Variants in ARHGAP15 observed in about 807,000 individuals in gnomAD.
ARHGAP15 encodes Rho GTPase activating protein 15, also known as rho GTPase-activating protein 15.
Under a neutral mutation model 63.7 loss-of-function variants are expected in ARHGAP15, and 51 were observed. The ratio of observed to expected loss-of-function variants is 0.80; its 90% confidence interval spans 0.64 to 1.01. The LOEUF (loss-of-function observed/expected upper bound fraction) is 1.01. Ranked by LOEUF, ARHGAP15 falls within the 50% of genes least tolerant of loss-of-function variation. The pLI is 0.00. For synonymous variants in ARHGAP15, 191 were observed against 193.8 expected, an observed-to-expected ratio of 0.99 and a Z score of 0.12; for missense variants, 560 against 564.6, an observed-to-expected ratio of 0.99 and a Z score of 0.08.
intron 6 of ARHGAP15, among the ~76,000 whole-genome samples, chr2:143,330,628 T>C (rs909544691): frequency 6.6e-6 from 1 of 152,196 alleles, no homozygotes; most frequent in Non-Finnish European, 1.5e-5. Context: ...TGCTACATGG[T>C]TTATGCAATT....
intron 6 of ARHGAP15, among the ~76,000 whole-genome samples, chr2:143,340,473 T>C (rs1014432205): frequency 6.6e-6 from 1 of 152,142 alleles, no homozygotes; most frequent in Non-Finnish European, 1.5e-5. Flanking sequence ...TAATTTTCAT[T>C]TGCTGTCTAT....
chr2:143,592,750 G>A (rs1218258381), intron 11 of ARHGAP15, among the ~76,000 whole-genome samples: 1 of 152,160 alleles, frequency 6.6e-6, no homozygotes, highest in African/African-American at 2.4e-5. Context: ...CCTGTGAAAT[G>A]GTTAATATAG....
At chr2:143,471,037 G>GCA (rs549997644) in intron 8 of ARHGAP15, among the ~76,000 whole-genome samples, 3 of 147,718 alleles carry the variant, frequency 2.0e-5, no homozygotes, top group Non-Finnish European at 4.5e-5. Flanking sequence ...GTGTATATAT[G>GCA]CACACACACA....
intron 11 of ARHGAP15, among the ~76,000 whole-genome samples, chr2:143,600,655 GA>G (rs1697733132): frequency 6.6e-6 from 1 of 152,050 alleles, no homozygotes; most frequent in Non-Finnish European, 1.5e-5. Context: ...TTACTACAGT[GA>G]AATTACCTAC....
intron 12 of ARHGAP15, among the ~76,000 whole-genome samples, chr2:143,672,892 T>G (rs1682598481): frequency 6.6e-6 from 1 of 152,196 alleles, no homozygotes; most frequent in African/African-American, 2.4e-5. Context: ...TACTGAAAAG[T>G]TGAGTTAAAA....
At chr2:143,151,886 C>T (rs1330661040) in intron 1 of ARHGAP15, among the ~76,000 whole-genome samples, 2 of 151,904 alleles carry the variant, frequency 1.3e-5, no homozygotes, top group Non-Finnish European at 2.9e-5. Flanking sequence ...TCTGAACCCA[C>T]AGGTACAGCA....
intron 13 of ARHGAP15, among the ~76,000 whole-genome samples, chr2:143,708,302 G>A (rs1010829423): frequency 1.3e-5 from 2 of 152,044 alleles, no homozygotes; most frequent in African/African-American, 4.8e-5. Context: ...TATATTACAT[G>A]TATTATTATT....
chr2:143,329,324 TA>T (rs1393762804), intron 6 of ARHGAP15, among the ~76,000 whole-genome samples: 1 of 152,236 alleles, frequency 6.6e-6, no homozygotes. Context: ...TTTCATCATG[TA>T]AGTTCTTTGA....
chr2:143,265,487 T>G (rs1352476158), intron 6 of ARHGAP15, among the ~76,000 whole-genome samples: 1 of 152,204 alleles, frequency 6.6e-6, no homozygotes, highest in Non-Finnish European at 1.5e-5. Flanking sequence ...ATATTTTTAT[T>G]GCAAATGGTA....
chr2:143,519,101 A>T, intron 9 of ARHGAP15, 165 bp from the exon 10 acceptor site: 3 of 494,504 alleles, frequency 6.1e-6, no homozygotes, highest in Non-Finnish European at 1.1e-5. Context: ...TCAAGGAGGG[A>T]GTTGTGGTCT....
At chr2:143,463,524 G>A (rs925440517) in intron 8 of ARHGAP15, among the ~76,000 whole-genome samples, 2 of 132,350 alleles carry the variant, frequency 1.5e-5, no homozygotes, top group African/African-American at 5.6e-5. Flanking sequence ...TCGTAATCAA[G>A]AGCGAAACTC....
At chr2:143,550,861 T>C (rs142328061) in intron 10 of ARHGAP15, among the ~76,000 whole-genome samples, 419 of 152,292 alleles carry the variant, frequency 2.8e-3, no homozygotes, top group African/African-American at 9.6e-3. Context: ...TGTCCCAAAT[T>C]TTAAGAATAT....
intron 2 of ARHGAP15, among the ~76,000 whole-genome samples, 165 bp from the exon 3 acceptor site, chr2:143,201,969 A>G (rs2105113157): frequency 6.6e-6 from 1 of 152,254 alleles, no homozygotes; most frequent in Middle Eastern, 3.4e-3. Context: ...ATCTTTGAGT[A>G]CGTATTTTAT....
At chr2:143,414,154 G>A (rs748052298) in intron 6 of ARHGAP15, among the ~76,000 whole-genome samples, 1 of 150,120 alleles carries the variant, frequency 6.7e-6, no homozygotes, top group Non-Finnish European at 1.5e-5. Context: ...ATATTTAAAA[G>A]GTATAAAAAT....
At position 143,590,684 on chromosome 2, in the gene ARHGAP15, T is replaced by C. The variant is rs531193222; in HGVS notation, c.1004-33449T>C. ...GCCTTCTATAATGTTTCTGTTTTAT[T>C]ATCTTTATTTTTCTAGTAGACTACA... On this transcript the variant is annotated intron_variant, in intron 11 of 13. Coordinates refer to ENST00000295095, the MANE Select transcript of ARHGAP15 (RefSeq NM_018460.4). 1.9e-4 allele frequency among the ~76,000 whole-genome samples: 29 copies of C among 152,288 alleles called. 1 individual carries two copies. The South Asian group carries it at 6.0e-3, about 32-fold the overall frequency.
chr2:143,535,264 C>G (rs1342920639), intron 10 of ARHGAP15, among the ~76,000 whole-genome samples: 3 of 152,056 alleles, frequency 2.0e-5, no homozygotes, highest in African/African-American at 4.8e-5. Context: ...CCTTTCTGTT[C>G]CTCTCCCATT....
At chr2:143,562,319 C>A (rs1177522450) in intron 11 of ARHGAP15, among the ~76,000 whole-genome samples, 1 of 152,048 alleles carries the variant, frequency 6.6e-6, no homozygotes, top group Non-Finnish European at 1.5e-5. Context: ...ATGAAATAAG[C>A]AATTGGATGA....
intron 11 of ARHGAP15, among the ~76,000 whole-genome samples, chr2:143,599,009 A>T (rs1697648109): frequency 6.6e-6 from 1 of 151,824 alleles, no homozygotes. Context: ...GGAGACAAAA[A>T]CTCTGAGAAA....
At chr2:143,340,741 T>G (rs1685023212) in intron 6 of ARHGAP15, among the ~76,000 whole-genome samples, 1 of 152,102 alleles carries the variant, frequency 6.6e-6, no homozygotes, top group Non-Finnish European at 1.5e-5. Flanking sequence ...GCAACTTTGG[T>G]GGCAAGATTT....
Sources: allele counts gnomAD v4.1 joint callset (sites outside exome capture counted in the v4.1 genomes callset), GRCh38; gene constraint gnomAD v4.1.1; transcripts MANE v1.5; gene names NCBI Gene and HGNC (gene_info 2026-07-23, HGNC 2026-07-21).